The following AGBL4 variants were observed in gnomAD, a reference collection of about 807,000 sequenced individuals.
AGBL4 encodes AGBL carboxypeptidase 4, also known as cytosolic carboxypeptidase 6.
In AGBL4, 58 loss-of-function variants were observed where a neutral mutation model predicts 66.4. That is an observed-to-expected ratio of 0.87 (90% confidence interval 0.71 to 1.09). The LOEUF is 1.09. Ranked by LOEUF, AGBL4 falls within the 50% of genes least tolerant of loss-of-function variation. The pLI is 0.00. For synonymous variants in AGBL4, 234 were observed against 222.9 expected (o/e 1.05, Z -0.44); for missense variants, 579 against 631.0 (o/e 0.92, Z 0.88).
intron 3 of AGBL4, among the ~76,000 whole-genome samples, chr1:49,323,950 CTT>C (rs1244882299): frequency 1.3e-5 from 2 of 152,132 alleles, no homozygotes. Context: ...CCCTGACAGT[CTT>C]TGCCTCTGAA....
At chr1:48,523,693 A>G in the AGBL4 span, among the ~76,000 whole-genome samples, 7 of 148,064 alleles carry the variant, frequency 4.7e-5, no homozygotes, top group Non-Finnish European at 1.5e-5. Flanking sequence ...CAAAGTCTCA[A>G]GCTCCGTGGA....
intron 4 of AGBL4, among the ~76,000 whole-genome samples, chr1:49,189,678 T>A (rs1647078903): frequency 6.6e-6 from 1 of 152,170 alleles, no homozygotes; most frequent in African/African-American, 2.4e-5. Flanking sequence ...TGGTTTGTAG[T>A]GAGGCTCAAA....
chr1:49,490,366 C>T lies in AGBL4; in HGVS notation c.282+206947G>A, dbSNP rs1166011492. 2.6e-5 allele frequency among the ~76,000 whole-genome samples: 4 copies of T among 151,748 alleles called. No individual in the cohort carries two copies. In the East Asian group the frequency reaches 5.8e-4, roughly 22 times the overall value. ...GTATCTTTGAAGTTTTTAGATAAAT[C>T]CTACTTCTCAGTAATTAAATTTTCT... On this transcript the variant is annotated intron_variant, in intron 3 of 13. Coordinates refer to ENST00000371839, the MANE Select transcript of AGBL4 (RefSeq NM_032785.4).
intron 5 of AGBL4, among the ~76,000 whole-genome samples, chr1:48,908,437 A>G (rs1652817604): frequency 6.6e-6 from 1 of 152,254 alleles, no homozygotes; most frequent in Non-Finnish European, 1.5e-5. Flanking sequence ...GTGAAAATAA[A>G]GTAAATTCCC....
At chr1:49,688,767 T>C (rs1248885749) in intron 3 of AGBL4, among the ~76,000 whole-genome samples, 3 of 152,244 alleles carry the variant, frequency 2.0e-5, no homozygotes, top group Middle Eastern at 3.4e-3. Flanking sequence ...ATAAGCTATT[T>C]TAACTGAGAT....
chr1:48,886,195 G>A (rs1650321846), intron 5 of AGBL4, among the ~76,000 whole-genome samples: 1 of 152,190 alleles, frequency 6.6e-6, no homozygotes, highest in African/African-American at 2.4e-5. Context: ...TTTTAAGACA[G>A]CGACCACAGA....
chr1:49,322,662 G>A (rs1645151272), intron 3 of AGBL4, among the ~76,000 whole-genome samples: 1 of 152,194 alleles, frequency 6.6e-6, no homozygotes, highest in Admixed American at 6.5e-5. Flanking sequence ...AGAAGTTAAG[G>A]AATGCTTGGA....
chr1:48,653,162 A>G (rs1645959299), intron 8 of AGBL4, among the ~76,000 whole-genome samples, 175 bp downstream of exon 8: 3 of 152,232 alleles, frequency 2.0e-5, no homozygotes, highest in Admixed American at 1.3e-4. Flanking sequence ...GTGGCTGTGC[A>G]TGAAAAAGCC....
At chr1:49,773,958 T>C (rs925175172) in intron 2 of AGBL4, among the ~76,000 whole-genome samples, 7 of 152,188 alleles carry the variant, frequency 4.6e-5, no homozygotes, top group East Asian at 1.9e-4. Context: ...ATTGGTGCTG[T>C]AGGCACCTAT....
At chr1:48,941,178 C>T (rs931853240) in intron 5 of AGBL4, among the ~76,000 whole-genome samples, 1 of 152,182 alleles carries the variant, frequency 6.6e-6, no homozygotes, top group African/African-American at 2.4e-5. Flanking sequence ...ATATCAGATA[C>T]TCTGGCAGCC....
At chr1:49,539,963 T>A (rs1360479940) in intron 3 of AGBL4, among the ~76,000 whole-genome samples, 17 of 152,144 alleles carry the variant, frequency 1.1e-4, no homozygotes, top group Admixed American at 1.1e-3. Context: ...GAGGCAGTGC[T>A]AGGAAGTATG....
At chr1:49,898,641 T>A (rs1285414149) in intron 1 of AGBL4, among the ~76,000 whole-genome samples, 4 of 152,038 alleles carry the variant, frequency 2.6e-5, no homozygotes, top group African/African-American at 9.7e-5. Flanking sequence ...AAAAAATCAG[T>A]ATATCAAAGG....
chr1:49,257,312 G>T (rs1032919132), intron 3 of AGBL4: 1 of 153,078 alleles, frequency 6.5e-6, no homozygotes, highest in Non-Finnish European at 1.5e-5. Flanking sequence ...CTTGAGCTGT[G>T]CTGGGCTCCA....
chr1:48,807,705 C>G (rs1645957715), intron 6 of AGBL4, among the ~76,000 whole-genome samples: 1 of 152,130 alleles, frequency 6.6e-6, no homozygotes, highest in South Asian at 2.1e-4. Context: ...GAATGTTCCC[C>G]ATGCAGATGT....
chr1:48,708,736 T>C (rs1181788115), intron 6 of AGBL4, among the ~76,000 whole-genome samples: 1 of 152,168 alleles, frequency 6.6e-6, no homozygotes, highest in Non-Finnish European at 1.5e-5. Context: ...CAAAATACGA[T>C]AGCCTCTGAG....
chr1:48,851,106 C>T lies in AGBL4; in HGVS notation c.634+16085G>A, dbSNP rs191920072. The stretch of plus-strand genomic sequence containing the variant: ...GTTGTCATTATTGCGCTATTATTAT[C>T]GCCCCCTGCAGTGGATACCTTTTTA... On this transcript the variant is annotated intron_variant, in intron 6 of 13. Coordinates refer to ENST00000371839, the MANE Select transcript of AGBL4 (RefSeq NM_032785.4). 1.6e-3 allele frequency among the ~76,000 whole-genome samples: 237 copies of T among 152,228 alleles called. 1 individual carries two copies. Among genetic ancestry groups the T allele is most frequent in the Non-Finnish European group, 2.0e-3 (139 of 68,002 alleles).
chr1:48,813,802 C>CT (rs1301228762), intron 6 of AGBL4, among the ~76,000 whole-genome samples: 2 of 150,596 alleles, frequency 1.3e-5, no homozygotes, highest in Non-Finnish European at 2.9e-5. Flanking sequence ...GACTTCTTTG[C>CT]TCCTTCTCTT....
chr1:49,547,484 G>A (rs372589822), intron 3 of AGBL4, among the ~76,000 whole-genome samples: 14 of 152,018 alleles, frequency 9.2e-5, no homozygotes, highest in East Asian at 7.7e-4. Flanking sequence ...TTGGCTATGC[G>A]GGCCCCTTCT....
At chr1:49,329,672 CA>C (rs904808682) in intron 3 of AGBL4, among the ~76,000 whole-genome samples, 5 of 150,932 alleles carry the variant, frequency 3.3e-5, no homozygotes, top group Admixed American at 1.3e-4. Context: ...CGCCCCCCGC[CA>C]AAAAAAAGCA....
Sources: allele counts gnomAD v4.1 joint callset (sites outside exome capture counted in the v4.1 genomes callset), GRCh38; gene constraint gnomAD v4.1.1; transcripts MANE v1.5; gene names NCBI Gene and HGNC (gene_info 2026-07-23, HGNC 2026-07-21).